HDAC9: variants seen among roughly 807,000 people sequenced by gnomAD.
HDAC9 encodes the protein histone deacetylase 9, also known as MEF-2 interacting transcription repressor (MITR) protein.
In HDAC9, 41 loss-of-function variants were observed where a neutral mutation model predicts 139.4. The observed-to-expected ratio is 0.29, with a 90% CI of 0.23 to 0.38. The LOEUF (loss-of-function observed/expected upper bound fraction) is 0.38, where lower values mean the gene tolerates loss of function less well. HDAC9 is among the 10% of genes least tolerant of loss of function. The pLI is 1.00. For missense variants in HDAC9, 1,147 were observed against 1,297.0 expected, an observed-to-expected ratio of 0.88 and a Z score of 1.78; for synonymous variants, 517 against 476.2, an observed-to-expected ratio of 1.09 and a Z score of -1.12.
chr7:18,984,280 T>C (rs1288165740), intron 25 of HDAC9, among the ~76,000 whole-genome samples: 2 of 152,040 alleles, frequency 1.3e-5, no homozygotes, highest in Non-Finnish European at 2.9e-5. Context: ...TCAGAGAGTA[T>C]ATGAGTGCAA....
At chr7:18,990,905 G>T (rs917928579) in intron 25 of HDAC9, among the ~76,000 whole-genome samples, 1 of 152,204 alleles carries the variant, frequency 6.6e-6, no homozygotes, top group East Asian at 1.9e-4. Context: ...GCTTGGGCTC[G>T]CGCATGGAGC....
chr7:18,823,720 C>G (rs1795160323), intron 17 of HDAC9, among the ~76,000 whole-genome samples: 1 of 151,982 alleles, frequency 6.6e-6, no homozygotes, highest in South Asian at 2.1e-4. Flanking sequence ...TTGCTCACAC[C>G]TGTAATCTCA....
intron 24 of HDAC9, among the ~76,000 whole-genome samples, chr7:18,972,500 C>G (rs911860807): frequency 6.6e-6 from 1 of 151,490 alleles, no homozygotes; most frequent in South Asian, 2.1e-4. Flanking sequence ...CCTGCCTCAG[C>G]CTCCGGAGTA....
intron 2 of HDAC9, among the ~76,000 whole-genome samples, chr7:18,257,409 A>G (rs542970555): frequency 4.1e-5 from 6 of 147,860 alleles, no homozygotes; most frequent in Non-Finnish European, 7.6e-5. Flanking sequence ...TCCCACACAC[A>G]CACACACACA....
At chr7:18,629,526 G>GAA in intron 7 of HDAC9, 45 bp downstream of exon 7, 2 of 1,496,704 alleles carry the variant, frequency 1.3e-6, no homozygotes, top group Non-Finnish European at 9.0e-7. Context: ...GAGTAGGAAT[G>GAA]AAAAAAAAAT....
intron 1 of HDAC9, among the ~76,000 whole-genome samples, chr7:18,490,521 C>G (rs1285492797): frequency 6.6e-6 from 1 of 151,998 alleles, no homozygotes; most frequent in Non-Finnish European, 1.5e-5. Flanking sequence ...GCTGTAAAAT[C>G]TTGCGTCAGA....
At chr7:18,808,557 A>AT (rs1353142893) in intron 17 of HDAC9, among the ~76,000 whole-genome samples, 1 of 152,144 alleles carries the variant, frequency 6.6e-6, no homozygotes, top group African/African-American at 2.4e-5. Flanking sequence ...CACTTACAAT[A>AT]GCTACAGAAA....
At chr7:18,696,294 A>T (rs938793405) in intron 12 of HDAC9, among the ~76,000 whole-genome samples, 3 of 150,134 alleles carry the variant, frequency 2.0e-5, no homozygotes, top group Middle Eastern at 3.6e-3. Context: ...GCAAAACTAC[A>T]TTATAGCTGC....
chr7:18,753,077 C>T (rs990057333), intron 14 of HDAC9, among the ~76,000 whole-genome samples: 1 of 152,012 alleles, frequency 6.6e-6, no homozygotes. Context: ...GTTTTCCAGG[C>T]ATCTTTGTTA....
chr7:18,956,860 T>A (rs1183972275), intron 24 of HDAC9, among the ~76,000 whole-genome samples: 10 of 152,118 alleles, frequency 6.6e-5, no homozygotes, highest in Non-Finnish European at 8.8e-5. Flanking sequence ...TCAGCCTGCA[T>A]GGTCACATAG....
intron 21 of HDAC9, among the ~76,000 whole-genome samples, chr7:18,848,372 C>T (rs1021384362): frequency 1.3e-5 from 2 of 151,920 alleles, no homozygotes; most frequent in Non-Finnish European, 2.9e-5. Context: ...AACCCCTAAC[C>T]CTCAATGTGA....
At chr7:18,410,589 C>G (rs928193254) in intron 1 of HDAC9, among the ~76,000 whole-genome samples, 2 of 152,090 alleles carry the variant, frequency 1.3e-5, no homozygotes, top group African/African-American at 4.8e-5. Context: ...TTAATAAAGA[C>G]TTGAATGACC....
At chr7:18,467,240 A>C (rs963431220) in intron 1 of HDAC9, among the ~76,000 whole-genome samples, 10 of 152,196 alleles carry the variant, frequency 6.6e-5, no homozygotes, top group Non-Finnish European at 1.0e-4. Flanking sequence ...TCAGTTATAC[A>C]GACCAGAAAT....
chr7:18,254,397 A>G (rs534470010), intron 2 of HDAC9, among the ~76,000 whole-genome samples: 3 of 152,216 alleles, frequency 2.0e-5, no homozygotes, highest in African/African-American at 7.2e-5. Context: ...ATATGTTTTC[A>G]TGCTTGCTTT....
intron 1 of HDAC9, among the ~76,000 whole-genome samples, chr7:18,118,714 T>A (rs543379732): frequency 2.6e-4 from 40 of 152,214 alleles, no homozygotes; most frequent in Non-Finnish European, 5.4e-4. Context: ...TCCAAATTAC[T>A]AGCCTTCAAA....
intron 1 of HDAC9, among the ~76,000 whole-genome samples, chr7:18,290,857 G>A (rs1463734970): frequency 6.6e-6 from 1 of 152,162 alleles, no homozygotes; most frequent in Non-Finnish European, 1.5e-5. Context: ...GTCAGCAGGG[G>A]CATTATCTAC....
chr7:18,182,598 A>G (rs768958), intron 2 of HDAC9, among the ~76,000 whole-genome samples: 29,782 of 152,206 alleles, frequency 0.2, 3,155 homozygotes, highest in South Asian at 0.33. Flanking sequence ...CTTTATGTCA[A>G]TGAATTATTT....
At chr7:18,342,890 G>A (rs1406478171) in intron 1 of HDAC9, among the ~76,000 whole-genome samples, 1 of 151,822 alleles carries the variant, frequency 6.6e-6, no homozygotes, top group African/African-American at 2.4e-5. Context: ...CTGAATGAGA[G>A]AGAAGAATCA....
chr7:18,929,181 A>G (rs1474457315), intron 22 of HDAC9, among the ~76,000 whole-genome samples: 1 of 152,156 alleles, frequency 6.6e-6, no homozygotes, highest in Non-Finnish European at 1.5e-5. Context: ...TTTTCATTTC[A>G]AACAACTTCT....
Sources: gnomAD v4.1 joint callset for allele counts (sites outside exome capture counted in the v4.1 genomes callset) on GRCh38, gnomAD v4.1.1 for gene constraint, MANE v1.5 for transcripts, NCBI Gene and HGNC (gene_info 2026-07-23, HGNC 2026-07-21) for gene names.